Variants in PEX1 observed in about 807,000 individuals in gnomAD.
PEX1 encodes peroxisomal ATPase PEX1.
Under a neutral mutation model 152.5 loss-of-function variants are expected in PEX1, and 97 were observed. That is an observed-to-expected ratio of 0.64 (90% CI 0.54 to 0.75). The LOEUF (loss-of-function observed/expected upper bound fraction) is 0.75, where lower values mean the gene tolerates loss of function less well. PEX1 is among the 30% of genes least tolerant of loss of function. The probability of loss-of-function intolerance (pLI) is 0.00; values close to 1 mark genes in which losing one functional copy is unlikely to be tolerated. For synonymous variants in PEX1, 485 were observed against 531.6 expected (o/e 0.91, Z 1.21); for missense variants, 1,357 against 1,516.3 (o/e 0.89, Z 1.74).
Position 92,502,001 on chromosome 7 carries a change from G to C in PEX1, c.2305C>G (p.Leu769Val). Residue 769 changes from leucine (L) to valine (V), a missense_variant, in exon 14 of 24, where the codon CTG becomes GTG. By Grantham distance (32) the Leu-to-Val change is conservative. Transcript: ENST00000248633. ...CCAGTTTCTTTAGCTACATGCTGCA[G>C]GTCAAGATCGGTGAACTTGTTTATA... ...CDINKFTDLDLQHVAKETGGF... is the reference protein window; with the variant it reads ...CDINKFTDLDVQHVAKETGGF... 1 of 1,613,020 alleles carries C rather than the reference G, an allele frequency of 6.2e-7. No individual in the cohort carries two copies. Among genetic ancestry groups the C allele is most frequent in the Non-Finnish European group, 8.5e-7 (1 of 1,179,046 alleles).
chr7:92,498,638 A>G (rs1428255059), intron 16 of PEX1, among the ~76,000 whole-genome samples: 1 of 152,210 alleles, frequency 6.6e-6, no homozygotes, highest in Non-Finnish European at 1.5e-5. Context: ...GAAATTACAC[A>G]GCTAAGATAC....
intron 23 of PEX1, among the ~76,000 whole-genome samples, 162 bp downstream of exon 23, chr7:92,489,131 C>T (rs1791118384): frequency 6.6e-6 from 1 of 152,166 alleles, no homozygotes; most frequent in Non-Finnish European, 1.5e-5. Context: ...GTACTTCTGA[C>T]ATTTTGGGGT....
intron 20 of PEX1, among the ~76,000 whole-genome samples, chr7:92,492,624 T>TA (rs1024036116): frequency 2.6e-5 from 4 of 152,250 alleles, no homozygotes; most frequent in East Asian, 1.9e-4. Context: ...TTTTAAAAGT[T>TA]AAAGTACAAA....
rs1464417014 is a variant in PEX1, at chr7:92,522,201, C to A, written c.174G>T (p.Leu58Phe). The change falls in exon 2 of 24, where the codon TTG (leucine) becomes TTT (phenylalanine). Residue 58 changes from leucine to phenylalanine, a missense_variant. Leu to Phe is a conservative substitution (Grantham distance 22, BLOSUM62 0). Transcript: ENST00000248633. The part of the protein sequence containing the change: ...EVVWSHQPAF[L>F]SWVEGRHFSD... Reference sequence around the variant, plus strand: ...TAAAATGCCTGCCTTCCACCCAGCTCAAGAATGCAGGCTGGTGACTCCAGA... The same window carrying A: ...TAAAATGCCTGCCTTCCACCCAGCTAAAGAATGCAGGCTGGTGACTCCAGA... 6.2e-7 allele frequency: 1 copy of A among 1,614,026 alleles called. No homozygotes were observed. The highest frequency in any genetic ancestry group is 1.7e-5 in the Admixed American group (1 of 60,026).
intron 16 of PEX1, among the ~76,000 whole-genome samples, chr7:92,497,869 G>T (rs1585225702): frequency 6.6e-6 from 1 of 151,370 alleles, no homozygotes; most frequent in East Asian, 2.0e-4. Flanking sequence ...GGAGGTCGAG[G>T]CCAGCCTGGC....
intron 5 of PEX1, among the ~76,000 whole-genome samples, chr7:92,516,065 GAAAAGAAA>G (rs1554374908): frequency 1.6e-5 from 1 of 60,722 alleles, no homozygotes; most frequent in Non-Finnish European, 3.4e-5. Context: ...AAAAAGAAAA[GAAAAGAAA>G]AGAAAAGAAA....
At chr7:92,494,272 C>G in intron 19 of PEX1, 21 bp downstream of exon 19, 2 of 1,564,662 alleles carry the variant, frequency 1.3e-6, no homozygotes, top group Non-Finnish European at 1.8e-6. Flanking sequence ...GGGTTTTGGA[C>G]TCTAAATATG....
intron 1 of PEX1, among the ~76,000 whole-genome samples, chr7:92,524,656 A>G (rs975039686): frequency 2.0e-5 from 3 of 152,198 alleles, no homozygotes; most frequent in East Asian, 1.9e-4. Flanking sequence ...TGTTATTACA[A>G]TTTTATATTT....
chr7:92,510,382 C>T (rs1792403600), intron 8 of PEX1, among the ~76,000 whole-genome samples: 1 of 151,746 alleles, frequency 6.6e-6, no homozygotes, highest in African/African-American at 2.4e-5. Context: ...GGGAGAATCA[C>T]CTGAGCCTGG....
chr7:92,523,065 T>C (rs1434924126), intron 1 of PEX1, among the ~76,000 whole-genome samples: 14 of 152,250 alleles, frequency 9.2e-5, no homozygotes, highest in Non-Finnish European at 2.1e-4. Flanking sequence ...CATGTAAGTT[T>C]GTGGCCAAGG....
intron 5 of PEX1, among the ~76,000 whole-genome samples, chr7:92,516,828 G>T (rs916323714): frequency 6.6e-6 from 1 of 152,010 alleles, no homozygotes; most frequent in Non-Finnish European, 1.5e-5. Flanking sequence ...CAGCAGGAAG[G>T]TTACCTCATG....
chr7:92,524,710 C>T (rs977307635), intron 1 of PEX1, among the ~76,000 whole-genome samples: 1 of 152,166 alleles, frequency 6.6e-6, no homozygotes, highest in African/African-American at 2.4e-5. Context: ...TAATTTTTCT[C>T]ACAATTTTCA....
At chr7:92,487,685 T>C in intron 23 of PEX1, 144 bp from the exon 24 acceptor site, 1 of 462,662 alleles carries the variant, frequency 2.2e-6, no homozygotes, top group Non-Finnish European at 3.8e-6. Flanking sequence ...TCACAGAAAT[T>C]AAAAAGAATT....
chr7:92,522,248 A>C lies in PEX1; in HGVS notation c.130-3T>G, dbSNP rs761455002. ...CAGACCACTTCTATAGCTTGATTCT[A>C]TTCATATAAGAAATGAGAGGAAAAA... On this transcript the variant is annotated splice_polypyrimidine_tract_variant and splice_region_variant and intron_variant, in intron 1 of 23. Coordinates refer to ENST00000248633, the MANE Select transcript of PEX1 (RefSeq NM_000466.3). 1 of 1,613,860 alleles carries C rather than the reference A, an allele frequency of 6.2e-7. No homozygotes were observed. The highest frequency in any genetic ancestry group is 8.5e-7 in the Non-Finnish European group (1 of 1,179,904).
Position 92,513,732 on chromosome 7 carries a change from TAAAA to T in PEX1, c.1359+112_1359+115del, listed in dbSNP as rs1419424306. ...TTATGTTATATATAGTTTAACACAA[TAAAA>T]AAAGATTTGTATCAAAAAGGAATAC... On this transcript the variant is annotated intron_variant, in intron 6 of 23. Transcript: ENST00000248633. 3.9e-6 allele frequency: 3 copies of T among 775,362 alleles called. No homozygotes were observed. In the East Asian group the frequency reaches 8.0e-5, roughly 21 times the overall value. The allele number at this position is 775,362 out of a possible 1,614,324, so 48.0% of individuals were successfully genotyped here.
chr7:92,511,827 T>A, intron 6 of PEX1, 124 bp from the exon 7 acceptor site: 1 of 865,580 alleles, frequency 1.2e-6, no homozygotes, highest in Non-Finnish European at 1.8e-6. Flanking sequence ...ATGAAGGATG[T>A]TCATGTTCTA....
chr7:92,492,424 G>C (rs1227568344), intron 20 of PEX1, among the ~76,000 whole-genome samples: 5 of 152,148 alleles, frequency 3.3e-5, no homozygotes, highest in Admixed American at 3.3e-4. Context: ...GCCTTGGCCT[G>C]CCAAAGTGCT....
intron 5 of PEX1, among the ~76,000 whole-genome samples, chr7:92,514,417 A>C (rs937748373): frequency 6.6e-6 from 1 of 152,222 alleles, no homozygotes; most frequent in African/African-American, 2.4e-5. Context: ...TCTTTACATA[A>C]TCTTCAGAAT....
intron 14 of PEX1, 39 bp from the exon 15 acceptor site, chr7:92,501,712 T>C: frequency 6.5e-7 from 1 of 1,545,496 alleles, no homozygotes; most frequent in African/African-American, 1.4e-5. Context: ...ACTAGTTATA[T>C]TCACTATATG....
Sources: gnomAD v4.1 joint callset for allele counts (sites outside exome capture counted in the v4.1 genomes callset) on GRCh38, gnomAD v4.1.1 for gene constraint, MANE v1.5 for transcripts, NCBI Gene and HGNC (gene_info 2026-07-23, HGNC 2026-07-21) for gene names.